MYO3B: variants seen among roughly 807,000 people sequenced by gnomAD.
The protein encoded by MYO3B is myosin IIIB.
A neutral mutation model predicts 174.6 loss-of-function variants in MYO3B; 156 were observed. The ratio of observed to expected loss-of-function variants is 0.89; its 90% confidence interval spans 0.78 to 1.02. The LOEUF is 1.02. MYO3B is among the 50% of genes least tolerant of loss of function. The pLI is 0.00. For synonymous variants in MYO3B, 563 were observed against 569.1 expected, an observed-to-expected ratio of 0.99 and a Z score of 0.15; for missense variants, 1,632 against 1,639.4, an observed-to-expected ratio of 1.00 and a Z score of 0.08.
chr2:170,652,140 G>A lies in MYO3B; in HGVS notation c.3873G>A (p.Lys1291=), dbSNP rs756311446. The change falls in exon 34 of 35, where the codon AAG becomes AAA. Residue 1291 remains lysine, a synonymous_variant. Coordinates refer to ENST00000408978, the MANE Select transcript of MYO3B (RefSeq NM_138995.5). ...GTLEYQGSKR[K]PRKLGQIKVL... Reference sequence around the variant, plus strand: ...TAGAATATCAAGGGAGCAAGAGGAAGCCAAGAAAACTTGGGTAAATATCTG... The same window carrying A: ...TAGAATATCAAGGGAGCAAGAGGAAACCAAGAAAACTTGGGTAAATATCTG... 6.2e-6 allele frequency: 10 copies of A among 1,614,046 alleles called. No individual in the cohort carries two copies. In the Admixed American group the frequency reaches 1.7e-4, roughly 27 times the overall value.
intron 16 of MYO3B, among the ~76,000 whole-genome samples, chr2:170,394,483 A>T: frequency 6.6e-6 from 1 of 152,208 alleles, no homozygotes; most frequent in Non-Finnish European, 1.5e-5. Context: ...GAAGTAAGCC[A>T]TCCCTAGCCC....
intron 28 of MYO3B, among the ~76,000 whole-genome samples, chr2:170,503,692 G>A (rs1368598162): frequency 6.6e-6 from 1 of 150,986 alleles, no homozygotes; most frequent in Non-Finnish European, 1.5e-5. Context: ...CCCTTTCTTA[G>A]CCTTGCAGCC....
At chr2:170,640,010 A>G in intron 32 of MYO3B, among the ~76,000 whole-genome samples, 1 of 152,196 alleles carries the variant, frequency 6.6e-6, no homozygotes, top group East Asian at 1.9e-4. Flanking sequence ...TCCAGTGAAT[A>G]CTTCCCTGAG....
chr2:170,490,037 T>TC (rs1369205564), intron 25 of MYO3B, among the ~76,000 whole-genome samples: 5 of 150,866 alleles, frequency 3.3e-5, no homozygotes, highest in African/African-American at 1.2e-4. Context: ...TCTTTCTTTT[T>TC]TTTTTTTTTG....
intron 22 of MYO3B, among the ~76,000 whole-genome samples, chr2:170,423,927 G>A (rs946913247): frequency 2.7e-4 from 41 of 152,150 alleles, no homozygotes; most frequent in Middle Eastern, 3.2e-3. Context: ...TGGAGAGATA[G>A]AAGTGTTCCA....
intron 23 of MYO3B, among the ~76,000 whole-genome samples, chr2:170,450,407 A>G (rs1683532892): frequency 6.6e-6 from 1 of 152,214 alleles, no homozygotes; most frequent in South Asian, 2.1e-4. Flanking sequence ...ATAGAATCCC[A>G]GGTCACCGTA....
chr2:170,352,978 A>G (rs1476091914), intron 8 of MYO3B, among the ~76,000 whole-genome samples: 1 of 152,206 alleles, frequency 6.6e-6, no homozygotes, highest in Non-Finnish European at 1.5e-5. Flanking sequence ...TGGTATAGCC[A>G]CTTTGGAAGA....
At chr2:170,388,219 C>A (rs1007646500) in intron 14 of MYO3B, among the ~76,000 whole-genome samples, 1 of 152,058 alleles carries the variant, frequency 6.6e-6, no homozygotes, top group Admixed American at 6.6e-5. Flanking sequence ...AAAAAAGATT[C>A]TTGTATTCAC....
At chr2:170,246,529 GACACACACAC>G (rs58936698) in intron 7 of MYO3B, among the ~76,000 whole-genome samples, 12 of 140,182 alleles carry the variant, frequency 8.6e-5, no homozygotes, top group Admixed American at 1.5e-4. Flanking sequence ...TTTGGACATG[GACACACACAC>G]ACACACACAC....
At chr2:170,396,489 G>T (rs1246343674) in intron 16 of MYO3B, among the ~76,000 whole-genome samples, 1 of 152,060 alleles carries the variant, frequency 6.6e-6, no homozygotes, top group Non-Finnish European at 1.5e-5. Flanking sequence ...GGATGGAATA[G>T]CCCAGAAATA....
chr2:170,299,497 TTA>T (rs1366369871), intron 7 of MYO3B, among the ~76,000 whole-genome samples: 2 of 152,256 alleles, frequency 1.3e-5, no homozygotes, highest in African/African-American at 4.8e-5. Flanking sequence ...GAGCCAATAT[TTA>T]TTGAATACTT....
chr2:170,518,322 A>G (rs1396147110), intron 29 of MYO3B, among the ~76,000 whole-genome samples: 2 of 152,198 alleles, frequency 1.3e-5, no homozygotes, highest in Non-Finnish European at 2.9e-5. Context: ...GTAAGTCACA[A>G]TTCCCAAATT....
chr2:170,369,794 AG>A (rs1403604367), intron 9 of MYO3B, among the ~76,000 whole-genome samples: 1 of 152,126 alleles, frequency 6.6e-6, no homozygotes, highest in Non-Finnish European at 1.5e-5. Context: ...GCAGTAATGC[AG>A]GCTGTAAAGT....
intron 8 of MYO3B, among the ~76,000 whole-genome samples, chr2:170,354,451 C>A (rs2094104085): frequency 6.6e-6 from 1 of 152,178 alleles, no homozygotes. Context: ...ACAGTGGCTT[C>A]AAGCTCAGGA....
intron 23 of MYO3B, among the ~76,000 whole-genome samples, chr2:170,453,409 T>TAC (rs35558091): frequency 0.028 from 3,625 of 131,226 alleles, 79 homozygotes; most frequent in African/African-American, 0.046. Context: ...GTTTACCATT[T>TAC]ACACACACAC....
chr2:170,526,504 G>C (rs1392512758), intron 30 of MYO3B, among the ~76,000 whole-genome samples: 2 of 152,138 alleles, frequency 1.3e-5, no homozygotes, highest in Admixed American at 6.5e-5. Flanking sequence ...TTTAACTTTA[G>C]AGACAAATTT....
intron 7 of MYO3B, among the ~76,000 whole-genome samples, chr2:170,250,366 T>C (rs1275088011): frequency 6.6e-6 from 1 of 152,218 alleles, no homozygotes; most frequent in South Asian, 2.1e-4. Flanking sequence ...CAAAAAAGTT[T>C]GGAGGCCACT....
In MYO3B at chr2:170,654,107, T is replaced by C. The variant is rs941524656; in HGVS notation, c.*986T>C. On this transcript the variant is annotated 3_prime_UTR_variant, in exon 35 of 35. Coordinates refer to ENST00000408978, the MANE Select transcript of MYO3B (RefSeq NM_138995.5). Reference sequence around the variant, plus strand: ...TCAATTGTATGTTACATATGATTAGTCACTTTTCATACACTATAACCTCTG... The same window carrying C: ...TCAATTGTATGTTACATATGATTAGCCACTTTTCATACACTATAACCTCTG... The C allele has an allele frequency of 7.2e-5, 11 of 152,230 alleles. No homozygotes were observed. The highest frequency in any genetic ancestry group is 2.7e-4 in the African/African-American group (11 of 41,456). 9.4% of individuals were successfully genotyped at this position (152,230 alleles called of 1,614,324 possible).
chr2:170,409,527 A>G (rs1480788043), intron 22 of MYO3B, among the ~76,000 whole-genome samples: 52 of 152,256 alleles, frequency 3.4e-4, no homozygotes, highest in Admixed American at 3.4e-3. Flanking sequence ...CCTAAGCTTG[A>G]GTATAGCTTA....
Sources: allele counts gnomAD v4.1 joint callset (sites outside exome capture counted in the v4.1 genomes callset), GRCh38; gene constraint gnomAD v4.1.1; transcripts MANE v1.5; gene names NCBI Gene and HGNC (gene_info 2026-07-23, HGNC 2026-07-21).